The following SCN9A variants were observed in gnomAD, a reference collection of about 807,000 sequenced individuals.
SCN9A encodes sodium channel protein type 9 subunit alpha.
A neutral mutation model predicts 187.0 loss-of-function variants in SCN9A; 131 were observed. The ratio of observed to expected loss-of-function variants is 0.70; its 90% CI spans 0.61 to 0.81. The LOEUF is 0.81. Ranked by LOEUF, SCN9A falls within the 30% of genes least tolerant of loss-of-function variation. The probability of loss-of-function intolerance (pLI) is 0.00; values close to 1 mark genes in which losing one functional copy is unlikely to be tolerated. For missense variants in SCN9A, 2,252 were observed against 2,396.6 expected, an observed-to-expected ratio of 0.94 and a Z score of 1.26; for synonymous variants, 809 against 808.6, an observed-to-expected ratio of 1.00 and a Z score of -0.01.
chr2:166,275,250 T>C (rs182436531), intron 16 of SCN9A, among the ~76,000 whole-genome samples: 1 of 152,288 alleles, frequency 6.6e-6, no homozygotes, highest in East Asian at 1.9e-4. Context: ...TCACAAGTTA[T>C]ACCTTTCCCA....
At chr2:166,323,903 AG>A (rs1455870193) in intron 1 of SCN9A, among the ~76,000 whole-genome samples, 1 of 151,666 alleles carries the variant, frequency 6.6e-6, no homozygotes, top group East Asian at 1.9e-4. Context: ...TCTTGTAGAA[AG>A]CAAGTAGTGT....
At chr2:166,365,754 C>T (rs1413000796) in intron 1 of SCN9A, among the ~76,000 whole-genome samples, 1 of 152,170 alleles carries the variant, frequency 6.6e-6, no homozygotes, top group Non-Finnish European at 1.5e-5. Flanking sequence ...ATAATACCTC[C>T]TTCTCTCAAT....
intron 14 of SCN9A, among the ~76,000 whole-genome samples, chr2:166,279,135 T>G (rs1697366959): frequency 6.6e-6 from 1 of 152,018 alleles, no homozygotes; most frequent in Admixed American, 6.6e-5. Flanking sequence ...AGGTACTTAT[T>G]TGCAAGATCC....
At chr2:166,367,994 A>C (rs531022872) in intron 1 of SCN9A, among the ~76,000 whole-genome samples, 38 of 152,352 alleles carry the variant, frequency 2.5e-4, no homozygotes, top group African/African-American at 8.4e-4. Flanking sequence ...ATTAAGGGTT[A>C]AACATATTTG....
chr2:166,206,288 G>T (rs1176560840), intron 24 of SCN9A, among the ~76,000 whole-genome samples: 1 of 152,118 alleles, frequency 6.6e-6, no homozygotes, highest in Non-Finnish European at 1.5e-5. Flanking sequence ...TAATAGACTG[G>T]ATAAAGAAAA....
rs1697278442 is a variant in SCN9A at position 166,277,283 on chromosome 2, G to T, written c.2574C>A (p.Ile858=). The change falls in exon 16 of 27, where the codon ATC becomes ATA. Residue 858 remains isoleucine (I), a synonymous_variant. Coordinates refer to ENST00000642356, the MANE Select transcript of SCN9A (RefSeq NM_001365536.1). ...SWPTLNMLIK[I]IGNSVGALGN... ...CTAGAGCCCCTACTGAGTTACCAAT[G>T]ATCTTAATCAGCATGTTCAATGTTG... The T allele has an allele frequency of 6.2e-7, 1 of 1,613,678 alleles. No homozygotes were observed. The highest frequency in any genetic ancestry group is 1.7e-5 in the Admixed American group (1 of 59,970).
At chr2:166,268,847 C>T (rs1179536385) in intron 17 of SCN9A, among the ~76,000 whole-genome samples, 2 of 151,950 alleles carry the variant, frequency 1.3e-5, no homozygotes, top group East Asian at 1.9e-4. Flanking sequence ...GAAGGGTAAA[C>T]TTTCAAAGTT....
chr2:166,265,767 G>A (rs1436306878), intron 17 of SCN9A, among the ~76,000 whole-genome samples: 1 of 151,966 alleles, frequency 6.6e-6, no homozygotes, highest in Non-Finnish European at 1.5e-5. Flanking sequence ...TAACTAGGGT[G>A]AGGAGATACC....
chr2:166,289,730 C>T (rs1175843926), intron 9 of SCN9A, among the ~76,000 whole-genome samples: 1 of 152,086 alleles, frequency 6.6e-6, no homozygotes, highest in East Asian at 1.9e-4. Context: ...CTGTCTTCCA[C>T]ACTGGTTGAA....
intron 17 of SCN9A, among the ~76,000 whole-genome samples, chr2:166,267,550 A>G (rs749561657): frequency 6.6e-6 from 1 of 151,708 alleles, no homozygotes; most frequent in Non-Finnish European, 1.5e-5. Context: ...TTGTTCTGGT[A>G]TTGGGGTAAT....
intron 7 of SCN9A, among the ~76,000 whole-genome samples, chr2:166,298,456 T>C (rs1698413938): frequency 6.6e-6 from 1 of 152,198 alleles, no homozygotes; most frequent in East Asian, 1.9e-4. Context: ...ACAAATTGTA[T>C]GTTTTTCAGC....
intron 12 of SCN9A, among the ~76,000 whole-genome samples, chr2:166,282,597 C>T (rs1697539344): frequency 6.6e-6 from 1 of 152,106 alleles, no homozygotes. Context: ...CACATATATA[C>T]ACAAACAACT....
At position 166,199,500 on chromosome 2, in the gene SCN9A, G is replaced by T. The variant is rs771718677; in HGVS notation, c.5139C>A (p.Pro1713=). 4.3e-6 allele frequency: 7 copies of T among 1,613,990 alleles called. No homozygotes were observed. The highest frequency in any genetic ancestry group is 5.9e-6 in the Non-Finnish European group (7 of 1,180,028). ...LLAPILNSKP[P]DCDPKKVHPG... is the part of the protein sequence containing the mutation. ...GATGAACTTTTTTTGGGTCACAGTC[G>T]GGTGGCTTACTGTTAAGAATAGGTG... The change falls in exon 27 of 27, where the codon CCC becomes CCA. Residue 1713 remains proline, a synonymous_variant. Transcript: ENST00000642356.
At chr2:166,277,494 T>G (rs1467702361) in intron 15 of SCN9A, among the ~76,000 whole-genome samples, 155 bp from the exon 16 acceptor site, 4 of 152,172 alleles carry the variant, frequency 2.6e-5, no homozygotes, top group Non-Finnish European at 5.9e-5. Flanking sequence ...TTTTCATCAA[T>G]TTTCAATATC....
chr2:166,283,032 AT>A (rs1247292883), intron 12 of SCN9A, among the ~76,000 whole-genome samples: 1 of 152,170 alleles, frequency 6.6e-6, no homozygotes, highest in Non-Finnish European at 1.5e-5. Flanking sequence ...TCTTATAAGT[AT>A]CCACTAATTC....
intron 24 of SCN9A, among the ~76,000 whole-genome samples, chr2:166,219,005 A>G (rs1425464465): frequency 6.6e-6 from 1 of 152,192 alleles, no homozygotes; most frequent in Non-Finnish European, 1.5e-5. Flanking sequence ...GCAAATCAAA[A>G]CCACAATGAG....
intron 1 of SCN9A, among the ~76,000 whole-genome samples, chr2:166,319,745 G>A (rs1207879251): frequency 6.6e-6 from 1 of 152,020 alleles, no homozygotes; most frequent in Non-Finnish European, 1.5e-5. Context: ...ACAAAGACAA[G>A]ATATACACAT....
chr2:166,289,665 A>G (rs112632680), intron 9 of SCN9A, among the ~76,000 whole-genome samples: 6,578 of 152,206 alleles, frequency 0.043, 435 homozygotes, highest in African/African-American at 0.14. Context: ...TGTCTTTACC[A>G]TAGAATGATA....
At chr2:166,279,134 T>A (rs1388412557) in intron 14 of SCN9A, among the ~76,000 whole-genome samples, 1 of 152,062 alleles carries the variant, frequency 6.6e-6, no homozygotes, top group Non-Finnish European at 1.5e-5. Context: ...AAGGTACTTA[T>A]TTGCAAGATC....
Sources: gnomAD v4.1 joint callset for allele counts (sites outside exome capture counted in the v4.1 genomes callset) on GRCh38, gnomAD v4.1.1 for gene constraint, MANE v1.5 for transcripts, NCBI Gene and HGNC (gene_info 2026-07-23, HGNC 2026-07-21) for gene names.